The following NCAM2 variants were observed in gnomAD, a reference collection of about 807,000 sequenced individuals.
The protein encoded by NCAM2 is N-CAM-2.
Under a neutral mutation model 98.1 loss-of-function variants are expected in NCAM2, and 30 were observed. That is an observed-to-expected ratio of 0.31 (90% CI 0.23 to 0.41). The LOEUF is 0.41. Among genes scored for constraint, NCAM2 ranks in the 10% least tolerant of loss-of-function variants. The probability of loss-of-function intolerance (pLI) is 1.00; values close to 1 mark genes in which losing one functional copy is unlikely to be tolerated. For synonymous variants in NCAM2, 368 were observed against 342.4 expected (o/e 1.07, Z -0.83); for missense variants, 867 against 1,005.8 (o/e 0.86, Z 1.87).
intron 1 of NCAM2, among the ~76,000 whole-genome samples, chr21:21,139,896 T>C (rs1299499788): frequency 1.3e-5 from 2 of 152,144 alleles, no homozygotes; most frequent in Non-Finnish European, 2.9e-5. Context: ...TATTCACAAG[T>C]TCACGTCTTA....
chr21:21,447,252 C>A (rs1373325127), intron 12 of NCAM2, among the ~76,000 whole-genome samples: 1 of 152,094 alleles, frequency 6.6e-6, no homozygotes, highest in East Asian at 1.9e-4. Flanking sequence ...CACCACACAT[C>A]TACAACCATT....
intron 16 of NCAM2, among the ~76,000 whole-genome samples, chr21:21,523,528 CT>C (rs1321799780): frequency 2.0e-5 from 3 of 151,542 alleles, no homozygotes; most frequent in African/African-American, 7.3e-5. Flanking sequence ...AAAACTTTTA[CT>C]TTTCTTATTC....
intron 1 of NCAM2, among the ~76,000 whole-genome samples, chr21:21,089,779 C>G (rs554138742): frequency 6.6e-6 from 1 of 152,076 alleles, no homozygotes; most frequent in African/African-American, 2.4e-5. Context: ...AATCAGCTAC[C>G]GATGTATGAA....
chr21:21,376,187 C>G (rs921915775), intron 9 of NCAM2, among the ~76,000 whole-genome samples: 3 of 151,780 alleles, frequency 2.0e-5, no homozygotes, highest in Non-Finnish European at 4.4e-5. Flanking sequence ...TTTATTCAAG[C>G]GTATCCACAT....
intron 1 of NCAM2, among the ~76,000 whole-genome samples, chr21:21,037,438 CAAAT>C (rs1250559514): frequency 1.3e-5 from 2 of 152,048 alleles, no homozygotes; most frequent in Non-Finnish European, 2.9e-5. Context: ...TTTAAGAAGA[CAAAT>C]GAATTTATGG....
chr21:21,327,098 C>A (rs232477), intron 6 of NCAM2, among the ~76,000 whole-genome samples: 1 of 152,068 alleles, frequency 6.6e-6, no homozygotes, highest in Non-Finnish European at 1.5e-5. Flanking sequence ...CTTCGTGAAC[C>A]GCCTGCCTTT....
At chr21:21,505,652 T>C (rs954910869) in intron 15 of NCAM2, among the ~76,000 whole-genome samples, 1 of 152,018 alleles carries the variant, frequency 6.6e-6, no homozygotes, top group Non-Finnish European at 1.5e-5. Context: ...TAAGAGATAG[T>C]CTTCCACTTT....
rs1396347901 is a variant in NCAM2, at chr21:21,234,055, G to A, written c.56-46523G>A. 2.6e-5 allele frequency among the ~76,000 whole-genome samples: 4 copies of A among 151,764 alleles called. 1 individual carries two copies. The highest frequency in any genetic ancestry group is 2.6e-4 in the Admixed American group (4 of 15,192). On this transcript the variant is annotated intron_variant, in intron 1 of 17. Coordinates refer to ENST00000400546, the MANE Select transcript of NCAM2 (RefSeq NM_004540.5). ...AAGTGCTCAATTGTCATATACTCCA[G>A]TGACAAAGAGTGTATTTAAAATACT... is the stretch of plus-strand genomic sequence containing the variant.
At chr21:21,197,849 C>CT (rs1335388263) in intron 1 of NCAM2, among the ~76,000 whole-genome samples, 1 of 152,140 alleles carries the variant, frequency 6.6e-6, no homozygotes, top group Non-Finnish European at 1.5e-5. Flanking sequence ...TTGAGCATGT[C>CT]TAACATGGAG....
intron 15 of NCAM2, among the ~76,000 whole-genome samples, chr21:21,485,787 T>C (rs1986298593): frequency 6.6e-6 from 1 of 152,196 alleles, no homozygotes; most frequent in East Asian, 1.9e-4. Context: ...GACTCTGTGA[T>C]TCATTCATCA....
At position 21,478,295 on chromosome 21, in the gene NCAM2, T is replaced by C. The variant is rs144430308; in HGVS notation, c.2077+824T>C. Among the ~76,000 whole-genome samples the C allele has an allele frequency of 7.9e-3, 1,201 of 152,196 alleles. 12 individuals carry two copies. The highest frequency in any genetic ancestry group is 0.028 in the African/African-American group (1,148 of 41,550). ...GCAGACATGTACAGATATTTATGTA[T>C]ATATGGTATATTCTTTATAGGTACA... On this transcript the variant is annotated intron_variant, in intron 15 of 17. Transcript: ENST00000400546.
chr21:21,300,854 C>T (rs2073686390), intron 5 of NCAM2, among the ~76,000 whole-genome samples: 1 of 151,838 alleles, frequency 6.6e-6, no homozygotes. Flanking sequence ...AACATTTCCT[C>T]CTCAAACTAT....
At chr21:21,521,605 A>G (rs1476630156) in intron 16 of NCAM2, among the ~76,000 whole-genome samples, 1 of 152,128 alleles carries the variant, frequency 6.6e-6, no homozygotes, top group Non-Finnish European at 1.5e-5. Context: ...GAAAAGAGGA[A>G]TGTCTTTGAT....
chr21:21,186,978 C>G (rs2068660888), intron 1 of NCAM2, among the ~76,000 whole-genome samples: 1 of 151,728 alleles, frequency 6.6e-6, no homozygotes, highest in South Asian at 2.1e-4. Flanking sequence ...ACCTGTAATC[C>G]CAGCACTTTG....
At chr21:21,533,034 G>T (rs1032438688) in intron 16 of NCAM2, among the ~76,000 whole-genome samples, 10 of 151,924 alleles carry the variant, frequency 6.6e-5, no homozygotes, top group African/African-American at 1.4e-4. Context: ...TACATACTCA[G>T]ATAAGAGGAA....
intron 1 of NCAM2, among the ~76,000 whole-genome samples, chr21:21,237,946 A>ATTTT (rs1300891961): frequency 1.3e-5 from 1 of 77,220 alleles, no homozygotes; most frequent in African/African-American, 4.9e-5. Context: ...GGGCATTGTA[A>ATTTT]TTCTTTTTTT....
intron 1 of NCAM2, among the ~76,000 whole-genome samples, chr21:21,002,862 C>A (rs1404927759): frequency 6.6e-6 from 1 of 152,086 alleles, no homozygotes; most frequent in African/African-American, 2.4e-5. Context: ...TCCCTTTATA[C>A]AATCCCAATT....
Position 21,232,550 on chromosome 21 carries a change from A to G in NCAM2, c.56-48028A>G, listed in dbSNP as rs184475798. On this transcript the variant is annotated intron_variant, in intron 1 of 17. Coordinates refer to ENST00000400546, the MANE Select transcript of NCAM2 (RefSeq NM_004540.5). ...GGGCAGTTTGCTTCTCTTCTGGTAA[A>G]TAGGATTTAGAGTATTTAAAAATAC... Among the ~76,000 whole-genome samples the G allele has an allele frequency of 9.6e-4, 146 of 151,662 alleles. 3 individuals carry two copies. Among genetic ancestry groups the G allele is most frequent in the Non-Finnish European group, 1.0e-4 (7 of 67,626 alleles).
intron 5 of NCAM2, among the ~76,000 whole-genome samples, chr21:21,299,948 TC>T: frequency 6.6e-6 from 1 of 152,114 alleles, no homozygotes; most frequent in East Asian, 1.9e-4. Context: ...ATACTTTAAA[TC>T]AGCTCTAGAT....
Sources: gnomAD v4.1 joint callset for allele counts (sites outside exome capture counted in the v4.1 genomes callset) on GRCh38, gnomAD v4.1.1 for gene constraint, MANE v1.5 for transcripts, NCBI Gene and HGNC (gene_info 2026-07-23, HGNC 2026-07-21) for gene names.